The following KANSL1 variants were observed in gnomAD, a reference collection of about 807,000 sequenced individuals.
The protein encoded by KANSL1 is KAT8 regulatory NSL complex subunit 1, also known as MLL1/MLL complex subunit KANSL1.
A neutral mutation model predicts 103.6 loss-of-function variants in KANSL1; 22 were observed. The ratio of observed to expected loss-of-function variants is 0.21; its 90% CI spans 0.15 to 0.30. The LOEUF (loss-of-function observed/expected upper bound fraction) is 0.30, where lower values mean the gene tolerates loss of function less well. Ranked by LOEUF, KANSL1 falls within the 10% of genes least tolerant of loss-of-function variation. KANSL1 has a pLI of 1.00. For missense variants in KANSL1, 1,337 were observed against 1,399.8 expected, an observed-to-expected ratio of 0.96 and a Z score of 0.72; for synonymous variants, 600 against 527.6, an observed-to-expected ratio of 1.14 and a Z score of -1.88.
At chr17:46,071,711 T>C (rs936509764) in intron 4 of KANSL1, among the ~76,000 whole-genome samples, 5 of 152,220 alleles carry the variant, frequency 3.3e-5, no homozygotes, top group South Asian at 2.1e-4. Context: ...TGCTATCCAA[T>C]AGGCAACTGC....
At chr17:46,094,735 T>C (rs752671366) in intron 2 of KANSL1, 34 bp from the exon 3 acceptor site, 2 of 1,612,812 alleles carry the variant, frequency 1.2e-6, no homozygotes, top group East Asian at 4.5e-5. Flanking sequence ...AATCCAAGAG[T>C]AGCAGTAATA....
intron 1 of KANSL1, among the ~76,000 whole-genome samples, chr17:46,187,547 T>TA (rs2047089767): frequency 6.6e-6 from 1 of 152,070 alleles, no homozygotes; most frequent in African/African-American, 2.4e-5. Flanking sequence ...ACTTTAATTC[T>TA]AAAAAAATTA....
chr17:46,209,052 G>A (rs1303815432), intron 1 of KANSL1, among the ~76,000 whole-genome samples: 5 of 151,712 alleles, frequency 3.3e-5, no homozygotes, highest in Non-Finnish European at 5.9e-5. Context: ...GCGTGATGGC[G>A]CATGCCTGCA....
chr17:46,154,634 C>CT (rs1456083975), intron 2 of KANSL1, among the ~76,000 whole-genome samples: 8 of 152,328 alleles, frequency 5.3e-5, no homozygotes, highest in African/African-American at 1.9e-4. Flanking sequence ...AGAATTTCCT[C>CT]TTTAAAAGTG....
At chr17:46,031,754 T>G in intron 14 of KANSL1, 51 bp from the exon 15 acceptor site, 3 of 1,495,512 alleles carry the variant, frequency 2.0e-6, no homozygotes, top group Non-Finnish European at 2.7e-6. Context: ...CCAGCCTGCT[T>G]CCTGCTCCAA....
chr17:46,213,559 C>T (rs896062979), intron 1 of KANSL1, among the ~76,000 whole-genome samples: 5 of 150,936 alleles, frequency 3.3e-5, no homozygotes, highest in Non-Finnish European at 7.4e-5. Context: ...GGGCCCGCCT[C>T]GGCCTCCCAA....
intron 2 of KANSL1, among the ~76,000 whole-genome samples, chr17:46,096,825 G>T (rs1156666577): frequency 6.6e-6 from 1 of 151,294 alleles, no homozygotes; most frequent in Non-Finnish European, 1.5e-5. Context: ...CACTGTGTTA[G>T]CCAGGATGGT....
At chr17:46,121,243 G>A (rs1357876694) in intron 2 of KANSL1, 1 of 151,652 alleles carries the variant, frequency 6.6e-6, no homozygotes, top group Non-Finnish European at 1.5e-5. Context: ...CTCAAAGCAG[G>A]AACTGGCATT....
intron 2 of KANSL1, among the ~76,000 whole-genome samples, chr17:46,142,191 GT>G (rs1490662082): frequency 6.6e-6 from 1 of 152,200 alleles, no homozygotes; most frequent in Non-Finnish European, 1.5e-5. Flanking sequence ...ACTATTTTAG[GT>G]TGAGAAAGAA....
intron 2 of KANSL1, among the ~76,000 whole-genome samples, chr17:46,114,749 C>T (rs751759276): frequency 1.3e-5 from 2 of 152,190 alleles, no homozygotes; most frequent in Non-Finnish European, 2.9e-5. Context: ...AGTTATTAGA[C>T]TATGACAGTC....
chr17:46,188,004 T>A (rs140085584), intron 1 of KANSL1, among the ~76,000 whole-genome samples: 1 of 152,366 alleles, frequency 6.6e-6, no homozygotes, highest in East Asian at 1.9e-4. Flanking sequence ...GGAGTCCAAG[T>A]ATTTTGGTAA....
At chr17:46,092,721 G>T (rs2079451965) in intron 3 of KANSL1, 1 of 120,252 alleles carries the variant, frequency 8.3e-6, no homozygotes, top group Non-Finnish European at 1.8e-5. Context: ...TTTTTGGGGG[G>T]GGGGGGGGAG....
At chr17:46,097,661 T>C (rs1017069875) in intron 2 of KANSL1, among the ~76,000 whole-genome samples, 7 of 152,210 alleles carry the variant, frequency 4.6e-5, no homozygotes, top group South Asian at 2.1e-4. Context: ...ATCTAAATAT[T>C]TCATAATCTA....
intron 3 of KANSL1, 150 bp downstream of exon 3, chr17:46,094,410 A>T: frequency 1.0e-6 from 1 of 987,460 alleles, no homozygotes; most frequent in Non-Finnish European, 1.5e-6. Context: ...TCAGGTTCTT[A>T]AATTAAACCA....
chr17:46,170,907 T>C lies in KANSL1; in HGVS notation c.1237A>G (p.Ile413Val). Residue 413 changes from isoleucine to valine, a missense_variant, in exon 2 of 15, where the codon ATT becomes GTT. Ile to Val is a conservative substitution (Grantham distance 29, BLOSUM62 3). Transcript: ENST00000432791. ...TDSSSGGESD[I>V]EEEELTRADP... Reference sequence around the variant, plus strand: ...GCTCTGGTCAGTTCTTCCTCTTCAATATCAGACTCCCCTCCTGAACTACTG... The same window carrying C: ...GCTCTGGTCAGTTCTTCCTCTTCAACATCAGACTCCCCTCCTGAACTACTG... The C allele has an allele frequency of 1.9e-6, 3 of 1,614,058 alleles. No individual in the cohort carries two copies. The highest frequency in any genetic ancestry group is 1.1e-5 in the South Asian group (1 of 91,068).
chr17:46,105,571 C>T (rs114915261), intron 2 of KANSL1, among the ~76,000 whole-genome samples: 1,594 of 152,062 alleles, frequency 0.01, 25 homozygotes, highest in African/African-American at 0.034. Context: ...AGTGAGATCA[C>T]GCCATTGCAC....
At chr17:46,052,251 AAAAG>A (rs1409285322) in intron 6 of KANSL1, among the ~76,000 whole-genome samples, 2 of 152,248 alleles carry the variant, frequency 1.3e-5, no homozygotes, top group Non-Finnish European at 2.9e-5. Context: ...ATAAAAAATA[AAAAG>A]AGAGAGACTA....
chr17:46,149,841 C>T (rs1347930776), intron 2 of KANSL1, among the ~76,000 whole-genome samples: 3 of 150,976 alleles, frequency 2.0e-5, no homozygotes, highest in Admixed American at 6.6e-5. Flanking sequence ...GATGAAACCC[C>T]GTCTCTACTA....
intron 1 of KANSL1, among the ~76,000 whole-genome samples, chr17:46,172,550 A>G (rs2046339781): frequency 6.6e-6 from 1 of 152,246 alleles, no homozygotes; most frequent in Non-Finnish European, 1.5e-5. Context: ...TCCATTAAAA[A>G]AAAATCTCTT....
Sources: gnomAD v4.1 joint callset for allele counts (sites outside exome capture counted in the v4.1 genomes callset) on GRCh38, gnomAD v4.1.1 for gene constraint, MANE v1.5 for transcripts, NCBI Gene and HGNC (gene_info 2026-07-23, HGNC 2026-07-21) for gene names.